The following CSPP1 variants were observed in gnomAD, a reference collection of about 807,000 sequenced individuals.
The protein encoded by CSPP1 is centrosome and spindle pole-associated protein 1.
A neutral mutation model predicts 164.4 loss-of-function variants in CSPP1; 126 were observed. The ratio of observed to expected loss-of-function variants is 0.77; its 90% CI spans 0.66 to 0.89. The LOEUF (loss-of-function observed/expected upper bound fraction) is 0.89, where lower values mean the gene tolerates loss of function less well. CSPP1 is among the 40% of genes least tolerant of loss of function. The pLI, the probability that CSPP1 is intolerant of heterozygous loss-of-function variation, is 0.00. For synonymous variants in CSPP1, 472 were observed against 476.7 expected, an observed-to-expected ratio of 0.99 and a Z score of 0.13; for missense variants, 1,395 against 1,449.8, an observed-to-expected ratio of 0.96 and a Z score of 0.61.
At chr8:67,186,970 C>CT (rs372090597) in intron 28 of CSPP1, among the ~76,000 whole-genome samples, 25 of 149,870 alleles carry the variant, frequency 1.7e-4, no homozygotes, top group East Asian at 6.0e-4. Flanking sequence ...ATCTATCTAT[C>CT]ATCTATCTAT....
At chr8:67,086,246 T>TA in intron 4 of CSPP1, 136 bp downstream of exon 4, 1 of 746,914 alleles carries the variant, frequency 1.3e-6, no homozygotes. Flanking sequence ...TAGTCAAAGT[T>TA]AAGTGGCATA....
At chr8:67,126,563 C>T (rs560759197) in intron 15 of CSPP1, among the ~76,000 whole-genome samples, 1 of 152,292 alleles carries the variant, frequency 6.6e-6, no homozygotes, top group East Asian at 1.9e-4. Flanking sequence ...TGTGCTGGGG[C>T]ATGCGTTCAG....
chr8:67,171,874 G>C (rs1196126530), intron 24 of CSPP1, among the ~76,000 whole-genome samples: 3 of 135,294 alleles, frequency 2.2e-5, no homozygotes, highest in South Asian at 2.4e-4. Flanking sequence ...TTGAGATGGA[G>C]TCTTGCTCTG....
chr8:67,103,205 T>C, intron 8 of CSPP1, 70 bp downstream of exon 8: 1 of 878,094 alleles, frequency 1.1e-6, no homozygotes, highest in Non-Finnish European at 1.8e-6. Context: ...TAAAACTGGC[T>C]AACTGAAAAA....
intron 21 of CSPP1, among the ~76,000 whole-genome samples, chr8:67,159,978 TTTCTTTTCTTTTC>T (rs1827876383): frequency 1.4e-5 from 1 of 73,856 alleles, no homozygotes. Flanking sequence ...TTTCTTTTCT[TTTCTTTTCTTTTC>T]TTTTCTTTTC....
At chr8:67,183,906 G>A (rs1160586428) in intron 28 of CSPP1, among the ~76,000 whole-genome samples, 5 of 143,118 alleles carry the variant, frequency 3.5e-5, no homozygotes, top group South Asian at 2.2e-4. Flanking sequence ...AGGCTGGAGC[G>A]TGATGGCGTG....
chr8:67,149,681 C>T (rs1187527255), intron 17 of CSPP1, 102 bp from the exon 18 acceptor site: 2 of 743,010 alleles, frequency 2.7e-6, no homozygotes, highest in Non-Finnish European at 4.1e-6. Context: ...CAACTTTGTC[C>T]TATTGTTTTT....
intron 3 of CSPP1, chr8:67,083,548 A>AAAAAAAAATATATATATATAT (rs1332248754): frequency 2.2e-5 from 2 of 91,500 alleles, no homozygotes; most frequent in African/African-American, 8.9e-5. Flanking sequence ...AAAAAAAAAA[A>AAAAAAAAATATATATATATAT]ATATATATAT....
At chr8:67,160,666 T>C (rs1828164937) in intron 21 of CSPP1, among the ~76,000 whole-genome samples, 2 of 152,026 alleles carry the variant, frequency 1.3e-5, no homozygotes, top group South Asian at 4.1e-4. Context: ...AACATTGCTA[T>C]CATTTTCTTT....
At chr8:67,164,875 A>G (rs1045879500) in intron 24 of CSPP1, among the ~76,000 whole-genome samples, 2 of 152,210 alleles carry the variant, frequency 1.3e-5, no homozygotes, top group African/African-American at 4.8e-5. Context: ...TGTTCTTCAA[A>G]CTTCAGTTTG....
At chr8:67,146,097 C>T (rs979506167) in intron 17 of CSPP1, among the ~76,000 whole-genome samples, 7 of 145,270 alleles carry the variant, frequency 4.8e-5, no homozygotes, top group African/African-American at 1.5e-4. Flanking sequence ...AGTTTGTATT[C>T]TGTTTTGTAA....
chr8:67,116,771 T>C (rs997468165), intron 13 of CSPP1, among the ~76,000 whole-genome samples: 5 of 152,296 alleles, frequency 3.3e-5, no homozygotes, highest in Admixed American at 2.6e-4. Flanking sequence ...GGGCTTATTT[T>C]TTGTTCACTG....
At position 67,086,104 on chromosome 8, in the gene CSPP1, T is replaced by C. The variant is rs1810339109; in HGVS notation, c.297T>C (p.Leu99=). 1.5e-6 allele frequency: 2 copies of C among 1,346,726 alleles called. No individual in the cohort carries two copies. The highest frequency in any genetic ancestry group is 2.9e-5 in the African/African-American group (2 of 69,734). The allele number at this position is 1,346,726 out of a possible 1,614,324, so 83.4% of individuals were successfully genotyped here. A position where few individuals can be genotyped will look rare whatever the true frequency, so the allele number is the denominator to read the frequency against. Residue 99 remains leucine (L), a synonymous_variant, in exon 4 of 31, where the codon CTT becomes CTC. Transcript: ENST00000678616. The stretch of plus-strand genomic sequence containing the variant: ...TGCGGCAAGATTACAGACGTTATCT[T>C]ACTCAGGTAATGAGTTCTATTAATG... ...EELRQDYRRY[L]TQKNFLSTSE...
chr8:67,071,992 A>AT (rs1272742979), intron 1 of CSPP1, among the ~76,000 whole-genome samples: 5 of 152,212 alleles, frequency 3.3e-5, no homozygotes, highest in South Asian at 4.1e-4. Flanking sequence ...TTAGGCAAAG[A>AT]TTTTTTTTAG....
At chr8:67,104,441 A>C (rs1586122934) in intron 8 of CSPP1, among the ~76,000 whole-genome samples, 1 of 151,668 alleles carries the variant, frequency 6.6e-6, no homozygotes, top group East Asian at 1.9e-4. Context: ...TTTTTTAAAA[A>C]ATTTTTTTGT....
In CSPP1 at chr8:67,132,040, A is replaced by G; in HGVS notation, c.1787A>G (p.Lys596Arg). The G allele has an allele frequency of 6.2e-7, 1 of 1,613,896 alleles. No homozygotes were observed. The highest frequency in any genetic ancestry group is 8.5e-7 in the Non-Finnish European group (1 of 1,179,864). Residue 596 changes from lysine (K) to arginine (R), a missense_variant, in exon 16 of 31, where the codon AAA becomes AGA. Lys to Arg is a conservative substitution (Grantham distance 26). Transcript: ENST00000678616. Reference protein sequence around the residue: ...LIFEDKPKPSKQSLQSYQEAL... With the variant: ...LIFEDKPKPSRQSLQSYQEAL... ...TTTGAAGATAAACCGAAACCTTCCA[A>G]ACAGTCACTTCAGTCTTACCAAGAG...
chr8:67,102,978 C>G (rs562471166), intron 7 of CSPP1, 59 bp from the exon 8 acceptor site: 18 of 942,378 alleles, frequency 1.9e-5, no homozygotes, highest in Non-Finnish European at 2.8e-5. Flanking sequence ...AAACACCAAA[C>G]TGTTATAAGA....
At position 67,163,805 on chromosome 8, in the gene CSPP1, T is replaced by A. The variant is rs775018129; in HGVS notation, c.2710+7T>A. 5 of 1,601,024 alleles carry A rather than the reference T, an allele frequency of 3.1e-6. No individual in the cohort carries two copies. The highest frequency in any genetic ancestry group is 4.3e-6 in the Non-Finnish European group (5 of 1,168,630). On this transcript the variant is annotated splice_region_variant and intron_variant, in intron 23 of 30. Transcript: ENST00000678616. ...AATCAGCTCCGTGCAGAAGGTAGAGTTAACTACTAAACCTGTTACCTAGAG... is the reference window on the plus strand; with the variant it reads ...AATCAGCTCCGTGCAGAAGGTAGAGATAACTACTAAACCTGTTACCTAGAG...
chr8:67,144,070 G>A (rs1824020280), intron 17 of CSPP1, among the ~76,000 whole-genome samples: 1 of 152,138 alleles, frequency 6.6e-6, no homozygotes, highest in African/African-American at 2.4e-5. Context: ...TAGGCTTTTA[G>A]TTGATTTTTC....
Sources: allele counts gnomAD v4.1 joint callset (sites outside exome capture counted in the v4.1 genomes callset), GRCh38; gene constraint gnomAD v4.1.1; transcripts MANE v1.5; gene names NCBI Gene and HGNC (gene_info 2026-07-23, HGNC 2026-07-21).